The following SLC18A1 variants were observed in gnomAD, a reference collection of about 807,000 sequenced individuals.
The protein encoded by SLC18A1 is chromaffin granule amine transporter.
Under a neutral mutation model 53.7 loss-of-function variants are expected in SLC18A1, and 69 were observed. The observed-to-expected ratio is 1.28, with a 90% CI of 1.06 to 1.57. The LOEUF (loss-of-function observed/expected upper bound fraction) is 1.57, where lower values mean the gene tolerates loss of function less well. Among genes scored for constraint, SLC18A1 ranks in the 40% most tolerant of loss-of-function variants. The pLI, the probability that SLC18A1 is intolerant of heterozygous loss-of-function variation, is 0.00. For missense variants in SLC18A1, 932 were observed against 668.1 expected (o/e 1.40, Z -4.35); for synonymous variants, 320 against 248.1 (o/e 1.29, Z -2.72).
intron 10 of SLC18A1, among the ~76,000 whole-genome samples, chr8:20,160,372 G>T (rs550212044): frequency 6.7e-6 from 1 of 150,106 alleles, no homozygotes; most frequent in African/African-American, 2.5e-5. Context: ...CACGTTGCTC[G>T]TTCTTTAGGA....
chr8:20,173,147 A>G lies in SLC18A1; in HGVS notation c.632-19T>C. 4 of 1,550,512 alleles carry G rather than the reference A, an allele frequency of 2.6e-6. No homozygotes were observed. The highest frequency in any genetic ancestry group is 3.5e-6 in the Non-Finnish European group (4 of 1,145,722). ...CCAAGACCTGCGCAGAGAGTTACAGATGCAGCTGGCCCCCTGGGGGGCTTC... is the reference window on the plus strand; with the variant it reads ...CCAAGACCTGCGCAGAGAGTTACAGGTGCAGCTGGCCCCCTGGGGGGCTTC... On this transcript the variant is annotated intron_variant, in intron 5 of 15. Coordinates refer to ENST00000276373, the MANE Select transcript of SLC18A1 (RefSeq NM_003053.4).
At position 20,145,842 on chromosome 8, in the gene SLC18A1, C is replaced by G. The variant is rs867015301; in HGVS notation, c.1499G>C (p.Arg500Pro). The part of the protein sequence containing the change: ...ILSQDCPMET[R>P]MYATQKPTKE... ...CGTGGGCTTCTGGGTTGCATACATC[C>G]GGGTCTCCATGGGGCAGTCCTGACT... The change falls in exon 16 of 16, where the codon CGG (arginine) becomes CCG (proline). Residue 500 changes from arginine (R) to proline (P), a missense_variant. Coordinates refer to ENST00000276373, the MANE Select transcript of SLC18A1 (RefSeq NM_003053.4). 5 of 1,611,692 alleles carry G rather than the reference C, an allele frequency of 3.1e-6. No homozygotes were observed. The highest frequency in any genetic ancestry group is 1.1e-5 in the South Asian group (1 of 90,442).
chr8:20,169,538 T>C (rs2072057241), intron 8 of SLC18A1, among the ~76,000 whole-genome samples: 1 of 152,184 alleles, frequency 6.6e-6, no homozygotes, highest in Admixed American at 6.5e-5. Context: ...TACTGTCAAC[T>C]GGCTCAAAAC....
At position 20,181,004 on chromosome 8, in the gene SLC18A1, T is replaced by C; in HGVS notation, c.-40A>G. 6.5e-7 allele frequency: 1 copy of C among 1,546,376 alleles called. No homozygotes were observed. The highest frequency in any genetic ancestry group is 8.7e-7 in the Non-Finnish European group (1 of 1,143,846). The stretch of plus-strand genomic sequence containing the variant: ...TGGGGCAGTCTTCCCCTGCGGGCTC[T>C]TAGGGAAGGTCCTGTGACAGCTACA... On this transcript the variant is annotated 5_prime_UTR_variant, in exon 2 of 16. Coordinates refer to ENST00000276373, the MANE Select transcript of SLC18A1 (RefSeq NM_003053.4).
chr8:20,172,290 T>C (rs988369467), intron 6 of SLC18A1, among the ~76,000 whole-genome samples: 1 of 152,228 alleles, frequency 6.6e-6, no homozygotes, highest in Non-Finnish European at 1.5e-5. Context: ...TTTGGGTTGA[T>C]GGATACTAGC....
In SLC18A1 at chr8:20,149,589, CCTCTCT is replaced by C. The variant is rs60330468; in HGVS notation, c.1146+81_1146+86del. ...CTGTGTCTTTCTCTCTCTCTCTCTC[CCTCTCT>C]CTCTCTCTCTCTCTCTCTCTCTGTC... On this transcript the variant is annotated intron_variant, in intron 12 of 15. Coordinates refer to ENST00000276373, the MANE Select transcript of SLC18A1 (RefSeq NM_003053.4). 3,291 of 789,086 alleles carry C rather than the reference CCTCTCT, an allele frequency of 4.2e-3. 3 individuals are homozygous for C. The highest frequency in any genetic ancestry group is 0.015 in the East Asian group (506 of 34,408). 48.9% of individuals were successfully genotyped at this position (789,086 alleles called of 1,614,324 possible). A position where few individuals can be genotyped will look rare whatever the true frequency, so the allele number is the denominator to read the frequency against.
At position 20,162,064 on chromosome 8, in the gene SLC18A1, T is replaced by C. The variant is rs187645992; in HGVS notation, c.1015+2805A>G. Among the ~76,000 whole-genome samples, 469 of 152,254 alleles carry C rather than the reference T, an allele frequency of 3.1e-3. 7 individuals are homozygous for C. Among genetic ancestry groups the C allele is most frequent in the African/African-American group, 0.011 (458 of 41,552 alleles). Reference sequence around the variant, plus strand: ...CCACCAAGGCTTACCACTTGCACCCTCCAGAGTGGGAGGCCAGGCCACATC... The same window carrying C: ...CCACCAAGGCTTACCACTTGCACCCCCCAGAGTGGGAGGCCAGGCCACATC... On this transcript the variant is annotated intron_variant, in intron 10 of 15. Transcript: ENST00000276373.
chr8:20,171,554 T>G, intron 6 of SLC18A1, 60 bp from the exon 7 acceptor site: 1 of 1,318,660 alleles, frequency 7.6e-7, no homozygotes, highest in Non-Finnish European at 1.1e-6. Flanking sequence ...GCAGTGAGAA[T>G]TATCCATATT....
intron 10 of SLC18A1, among the ~76,000 whole-genome samples, chr8:20,163,783 G>C (rs1393040117): frequency 6.6e-6 from 1 of 152,164 alleles, no homozygotes; most frequent in Admixed American, 6.5e-5. Context: ...TTACAGACCA[G>C]ATAGCATTGA....
rs764489260 is a variant in SLC18A1 at position 20,180,822 on chromosome 8, C to T, written c.124+19G>A. ...GCCCACAGCAAATTAACCCTCAGCACAAAGACCCACAAACGTACCCACCAC... is the reference window on the plus strand; with the variant it reads ...GCCCACAGCAAATTAACCCTCAGCATAAAGACCCACAAACGTACCCACCAC... On this transcript the variant is annotated intron_variant, in intron 2 of 15. Transcript: ENST00000276373. 3 of 1,613,348 alleles carry T rather than the reference C, an allele frequency of 1.9e-6. No homozygotes were observed. Among genetic ancestry groups the T allele is most frequent in the Admixed American group, 1.7e-5 (1 of 60,000 alleles).
At chr8:20,166,287 GTCTATATATATATATATATATATATA>G (rs2071957397) in intron 8 of SLC18A1, among the ~76,000 whole-genome samples, 5 of 78,998 alleles carry the variant, frequency 6.3e-5, no homozygotes, top group South Asian at 4.7e-4. Flanking sequence ...GTGTGTGTGT[GTCTATATATATATATATATATATATA>G]TATATATATA....
chr8:20,171,586 A>C, intron 6 of SLC18A1, 92 bp from the exon 7 acceptor site: 1 of 973,440 alleles, frequency 1.0e-6, no homozygotes, highest in Non-Finnish European at 1.6e-6. Context: ...CATTTGCAGA[A>C]GGCCTGCTAG....
At chr8:20,152,454 G>T (rs911935533) in intron 10 of SLC18A1, among the ~76,000 whole-genome samples, 8 of 152,164 alleles carry the variant, frequency 5.3e-5, no homozygotes, top group African/African-American at 1.7e-4. Flanking sequence ...CAAAATGGTA[G>T]GTTTTGGAGG....
intron 8 of SLC18A1, 140 bp downstream of exon 8, chr8:20,170,963 C>A (rs7841346): frequency 0.22 from 168,334 of 777,886 alleles, 19,059 homozygotes; most frequent in South Asian, 0.24. Context: ...GTAACCCTAT[C>A]CTGGAATCCA....
intron 8 of SLC18A1, among the ~76,000 whole-genome samples, chr8:20,166,289 C>A (rs13250997): frequency 0.15 from 15,780 of 106,386 alleles, 2,590 homozygotes; most frequent in Non-Finnish European, 0.18. Context: ...GTGTGTGTGT[C>A]TATATATATA....
chr8:20,180,475 C>A (rs2072396427), intron 2 of SLC18A1, among the ~76,000 whole-genome samples: 1 of 152,118 alleles, frequency 6.6e-6, no homozygotes, highest in Non-Finnish European at 1.5e-5. Flanking sequence ...GAGCAGAGTC[C>A]AGAAAGGCAC....
At chr8:20,159,275 C>T (rs927306899) in intron 10 of SLC18A1, among the ~76,000 whole-genome samples, 3 of 152,132 alleles carry the variant, frequency 2.0e-5, no homozygotes, top group African/African-American at 7.2e-5. Flanking sequence ...TCCCCAACAG[C>T]ACTTGGGTTT....
At chr8:20,154,380 T>C (rs896085075) in intron 10 of SLC18A1, among the ~76,000 whole-genome samples, 5 of 152,238 alleles carry the variant, frequency 3.3e-5, no homozygotes, top group Non-Finnish European at 5.9e-5. Context: ...ATGGACCAGA[T>C]GTTGACAGCT....
intron 10 of SLC18A1, among the ~76,000 whole-genome samples, chr8:20,160,893 A>T (rs1363143659): frequency 6.6e-6 from 1 of 152,106 alleles, no homozygotes; most frequent in Admixed American, 6.5e-5. Flanking sequence ...GAGAGAAAAG[A>T]AAAAGGGGCC....
Sources: gnomAD v4.1 joint callset for allele counts (sites outside exome capture counted in the v4.1 genomes callset) on GRCh38, gnomAD v4.1.1 for gene constraint, MANE v1.5 for transcripts, NCBI Gene and HGNC (gene_info 2026-07-23, HGNC 2026-07-21) for gene names.